Variants in TOPBP1 observed in about 807,000 individuals in gnomAD.
The protein encoded by TOPBP1 is DNA topoisomerase II binding protein 1.
TOPBP1 carries 28 observed loss-of-function variants against 167.7 expected under a neutral mutation model. That is an observed-to-expected ratio of 0.17 (90% CI 0.12 to 0.23). TOPBP1 has a LOEUF of 0.23. Ranked by LOEUF, TOPBP1 falls within the 10% of genes least tolerant of loss-of-function variation. The probability of loss-of-function intolerance (pLI) is 1.00; values close to 1 mark genes in which losing one functional copy is unlikely to be tolerated. For synonymous variants in TOPBP1, 598 were observed against 611.4 expected (o/e 0.98, Z 0.32); for missense variants, 1,554 against 1,809.6 (o/e 0.86, Z 2.56).
chr3:133,658,053 G>T, intron 3 of TOPBP1, 112 bp from the exon 4 acceptor site: 1 of 794,334 alleles, frequency 1.3e-6, no homozygotes, highest in South Asian at 3.0e-5. Flanking sequence ...GACCACTGTA[G>T]AGAAATCAGC....
intron 8 of TOPBP1, 127 bp from the exon 9 acceptor site, chr3:133,650,070 A>T (rs1936231831): frequency 1.3e-6 from 1 of 790,304 alleles, no homozygotes; most frequent in East Asian, 3.2e-5. Flanking sequence ...ATATGAATAA[A>T]TACATTCTGA....
intron 10 of TOPBP1, among the ~76,000 whole-genome samples, chr3:133,645,018 G>C (rs1026091375): frequency 6.6e-6 from 1 of 152,146 alleles, no homozygotes; most frequent in African/African-American, 2.4e-5. Context: ...GGCTTGAAGA[G>C]GTTATGTAAC....
In TOPBP1 at chr3:133,640,008, T is replaced by C. The variant is rs1410108244; in HGVS notation, c.2184A>G (p.Gly728=). The C allele has an allele frequency of 1.9e-6, 3 of 1,613,906 alleles. No homozygotes were observed. Among genetic ancestry groups the C allele is most frequent in the South Asian group, 1.1e-5 (1 of 91,080 alleles). The part of the protein sequence containing the change: ...IAWLLETART[G]KRADESHFLI... ...GAAAATGGCTTTCGTCTGCTCTCTTTCCCGTTCTAGCAGTCTCCAACAGCC... is the reference window on the plus strand; with the variant it reads ...GAAAATGGCTTTCGTCTGCTCTCTTCCCCGTTCTAGCAGTCTCCAACAGCC... Residue 728 remains glycine (G), a synonymous_variant, in exon 13 of 28, where the codon GGA becomes GGG. Coordinates refer to ENST00000260810, the MANE Select transcript of TOPBP1 (RefSeq NM_007027.4).
chr3:133,636,788 G>C (rs566159742), intron 14 of TOPBP1, among the ~76,000 whole-genome samples: 2 of 152,246 alleles, frequency 1.3e-5, no homozygotes, highest in East Asian at 3.9e-4. Context: ...CTTTTAAAAG[G>C]CAGTAGGAGG....
At chr3:133,646,189 G>T (rs1035210226) in intron 10 of TOPBP1, among the ~76,000 whole-genome samples, 4 of 151,864 alleles carry the variant, frequency 2.6e-5, no homozygotes, top group Non-Finnish European at 5.9e-5. Flanking sequence ...GCCATTTTAA[G>T]AATTAATTAT....
chr3:133,649,257 A>T (rs1022341831), intron 10 of TOPBP1, 126 bp downstream of exon 10: 52 of 1,333,370 alleles, frequency 3.9e-5, no homozygotes, highest in Non-Finnish European at 5.2e-5. Context: ...TATGAGGAAA[A>T]TTTTAAGGAA....
chr3:133,640,023 C>T lies in TOPBP1; in HGVS notation c.2169G>A (p.Glu723=). 6.2e-7 allele frequency: 1 copy of T among 1,613,894 alleles called. No individual in the cohort carries two copies. The highest frequency in any genetic ancestry group is 1.1e-5 in the South Asian group (1 of 91,082). ...CTGCTCTCTTTCCCGTTCTAGCAGT[C>T]TCCAACAGCCAAGCTATAGTAACGG... ...LPAVTIAWLL[E]TARTGKRADE... The change falls in exon 13 of 28, where the codon GAG becomes GAA. Residue 723 remains glutamate, a synonymous_variant. Transcript: ENST00000260810.
At chr3:133,655,535 A>C in intron 5 of TOPBP1, 49 bp from the exon 6 acceptor site, 1 of 1,063,748 alleles carries the variant, frequency 9.4e-7, no homozygotes. Context: ...TTACCAGAAG[A>C]ATAATGAAAA....
chr3:133,643,322 G>A lies in TOPBP1; in HGVS notation c.1899C>T (p.Leu633=). 6.2e-7 allele frequency: 1 copy of A among 1,610,526 alleles called. No individual in the cohort carries two copies. Among genetic ancestry groups the A allele is most frequent in the Non-Finnish European group, 8.5e-7 (1 of 1,178,616 alleles). ...CTGTCATTACTGGAACTGGTGTGAA[G>A]AGAGGATTCGACTTTGGATCAAACA... ...QTLFDPKSNP[L]FTPVPVMTGM... The change falls in exon 12 of 28, where the codon CTC becomes CTT. Residue 633 remains leucine (L), a synonymous_variant. Coordinates refer to ENST00000260810, the MANE Select transcript of TOPBP1 (RefSeq NM_007027.4).
chr3:133,607,868 A>G (rs566867298), intron 27 of TOPBP1, among the ~76,000 whole-genome samples: 2 of 152,306 alleles, frequency 1.3e-5, no homozygotes, highest in Admixed American at 1.3e-4. Flanking sequence ...TAGGCATTCT[A>G]TTAAATCCTG....
intron 13 of TOPBP1, among the ~76,000 whole-genome samples, chr3:133,639,692 T>C (rs1461740201): frequency 1.3e-5 from 2 of 152,092 alleles, no homozygotes; most frequent in Non-Finnish European, 2.9e-5. Flanking sequence ...AACTGTGAGG[T>C]GGTCTACAGG....
chr3:133,634,020 T>TA (rs1214061390), intron 14 of TOPBP1, among the ~76,000 whole-genome samples: 1 of 152,240 alleles, frequency 6.6e-6, no homozygotes, highest in Non-Finnish European at 1.5e-5. Context: ...ATGTGAACTC[T>TA]AGATCTTTAG....
At chr3:133,609,022 A>G in intron 25 of TOPBP1, 60 bp from the exon 26 acceptor site, 1 of 1,308,228 alleles carries the variant, frequency 7.6e-7, no homozygotes, top group Non-Finnish European at 1.1e-6. Flanking sequence ...TAATACAGAT[A>G]ATGCATGATT....
chr3:133,656,892 G>A lies in TOPBP1; in HGVS notation c.364-35C>T, dbSNP rs773062695. Reference sequence around the variant, plus strand: ...CAAAAGAGAACACATTAATGCTGAAGCAAACAATATTGCTTCCACTTTTAT... The same window carrying A: ...CAAAAGAGAACACATTAATGCTGAAACAAACAATATTGCTTCCACTTTTAT... On this transcript the variant is annotated intron_variant, in intron 4 of 27. Transcript: ENST00000260810. 10 of 1,468,308 alleles carry A rather than the reference G, an allele frequency of 6.8e-6. No individual in the cohort carries two copies. In the Admixed American group the frequency reaches 2.4e-4, roughly 36 times the overall value. 91.0% of individuals were successfully genotyped at this position (1,468,308 alleles called of 1,614,324 possible). A position where few individuals can be genotyped will look rare whatever the true frequency, so the allele number is the denominator to read the frequency against.
In TOPBP1 at chr3:133,608,913, T is replaced by G; in HGVS notation, c.4223A>C (p.Glu1408Ala). The change falls in exon 26 of 28, where the codon GAA becomes GCA. Residue 1408 changes from glutamate (E) to alanine (A), a missense_variant. This residue lies in a region of TOPBP1 where 351 missense variants were observed against 432.9 expected (regional missense o/e 0.81). Coordinates refer to ENST00000260810, the MANE Select transcript of TOPBP1 (RefSeq NM_007027.4). ...CTGAAGAAGGCGTTTGAAGCCTGCT[T>G]CTCGAGACTGATCCACATGTAAAAT... ...KVILHVDQSREAGFKRLLQSG... is the reference protein window; with the variant it reads ...KVILHVDQSRAAGFKRLLQSG... 1 of 1,613,446 alleles carries G rather than the reference T, an allele frequency of 6.2e-7. No homozygotes were observed. Among genetic ancestry groups the G allele is most frequent in the Non-Finnish European group, 8.5e-7 (1 of 1,179,678 alleles).
Position 133,656,877 on chromosome 3 carries a change from C to T in TOPBP1, c.364-20G>A. 1 of 1,509,642 alleles carries T rather than the reference C, an allele frequency of 6.6e-7. No individual in the cohort carries two copies. Among genetic ancestry groups the T allele is most frequent in the South Asian group, 1.4e-5 (1 of 73,698 alleles). 93.5% of individuals were successfully genotyped at this position (1,509,642 alleles called of 1,614,324 possible). A position where few individuals can be genotyped will look rare whatever the true frequency, so the allele number is the denominator to read the frequency against. ...TTCTTCCTGCAGCCCCAAAAGAGAA[C>T]ACATTAATGCTGAAGCAAACAATAT... On this transcript the variant is annotated intron_variant, in intron 4 of 27. Coordinates refer to ENST00000260810, the MANE Select transcript of TOPBP1 (RefSeq NM_007027.4).
rs1171817486 is a variant in TOPBP1, at chr3:133,652,492, C to A, written c.1060G>T (p.Ala354Ser). 4.3e-6 allele frequency: 7 copies of A among 1,611,848 alleles called. No individual in the cohort carries two copies. The highest frequency in any genetic ancestry group is 5.9e-6 in the Non-Finnish European group (7 of 1,179,824). Residue 354 changes from alanine (A) to serine (S), a missense_variant, in exon 8 of 28, where the codon GCA (alanine) becomes TCA (serine). Transcript: ENST00000260810. ...LENLDVSAFQ[A>S]PEDLLDGCRI... ...CAACCATCTAATAAATCTTCAGGTG[C>A]TTGAAATGCACTGACATCCAGATTT...
chr3:133,616,938 T>C lies in TOPBP1; in HGVS notation c.3760-13A>G. 1.1e-5 allele frequency: 16 copies of C among 1,456,878 alleles called. No individual in the cohort carries two copies. Among genetic ancestry groups the C allele is most frequent in the African/African-American group, 1.4e-5 (1 of 69,444 alleles). The allele number at this position is 1,456,878 out of a possible 1,614,324, so 90.2% of individuals were successfully genotyped here. ...CTATCGTTATAATCTGGAATGAAAG[T>C]TTTACTTTAGAAAAAATTAACATTA... On this transcript the variant is annotated splice_polypyrimidine_tract_variant and intron_variant, in intron 22 of 27. Coordinates refer to ENST00000260810, the MANE Select transcript of TOPBP1 (RefSeq NM_007027.4).
intron 14 of TOPBP1, among the ~76,000 whole-genome samples, chr3:133,633,186 T>C (rs540741303): frequency 5.3e-5 from 8 of 152,320 alleles, no homozygotes; most frequent in Non-Finnish European, 8.8e-5. Flanking sequence ...AATCGTTGTT[T>C]ACACTCAATG....
Sources: allele counts gnomAD v4.1 joint callset (sites outside exome capture counted in the v4.1 genomes callset), GRCh38; gene constraint gnomAD v4.1.1; regional missense constraint gnomAD v4.1.1; transcripts MANE v1.5; gene names NCBI Gene and HGNC (gene_info 2026-07-23, HGNC 2026-07-21).